Variants in ROBO1 observed in about 807,000 individuals in gnomAD.
ROBO1 encodes the protein roundabout guidance receptor 1.
A neutral mutation model predicts 195.9 loss-of-function variants in ROBO1; 149 were observed. That is an observed-to-expected ratio of 0.76 (90% confidence interval 0.67 to 0.87). The LOEUF is 0.87. Among genes scored for constraint, ROBO1 ranks in the 40% least tolerant of loss-of-function variants. ROBO1 has a pLI of 0.00. For synonymous variants in ROBO1, 816 were observed against 733.2 expected (o/e 1.11, Z -1.82); for missense variants, 1,933 against 2,068.3 (o/e 0.93, Z 1.27).
intron 2 of ROBO1, among the ~76,000 whole-genome samples, chr3:79,432,236 G>A (rs1407075999): frequency 6.6e-6 from 1 of 151,968 alleles, no homozygotes; most frequent in African/African-American, 2.4e-5. Flanking sequence ...ACAAGACCCA[G>A]GTATAATAGC....
At chr3:78,784,319 G>T (rs192168336) in intron 4 of ROBO1, among the ~76,000 whole-genome samples, 1 of 151,922 alleles carries the variant, frequency 6.6e-6, no homozygotes, top group Non-Finnish European at 1.5e-5. Flanking sequence ...TATCATGCCC[G>T]GCATATTCTA....
At chr3:78,738,474 C>G (rs1559802517) in intron 5 of ROBO1, among the ~76,000 whole-genome samples, 1 of 152,120 alleles carries the variant, frequency 6.6e-6, no homozygotes, top group Admixed American at 6.6e-5. Context: ...AAAACTTTAA[C>G]TTGCTTTTGA....
At chr3:79,621,793 T>C (rs1219400295) in intron 1 of ROBO1, among the ~76,000 whole-genome samples, 1 of 152,084 alleles carries the variant, frequency 6.6e-6, no homozygotes. Context: ...AGGATAATAT[T>C]TGTATCAAAA....
rs1013666793 is a variant in ROBO1 at position 79,227,024 on chromosome 3, G to C, written c.89-101485C>G. On this transcript the variant is annotated intron_variant, in intron 2 of 30. Coordinates refer to ENST00000464233, the MANE Select transcript of ROBO1 (RefSeq NM_002941.4). ...ACATCTAAACATACCTTCTCAACGT[G>C]ATTCAACTGGATAAAATTGCCAGTA... Among the ~76,000 whole-genome samples the C allele has an allele frequency of 6.4e-4, 97 of 152,144 alleles. 3 individuals carry two copies. The highest frequency in any genetic ancestry group is 1.6e-4 in the Non-Finnish European group (11 of 68,032).
chr3:78,688,789 A>T lies in ROBO1; in HGVS notation c.1046-17T>A. 6.2e-7 allele frequency: 1 copy of T among 1,600,084 alleles called. No homozygotes were observed. The highest frequency in any genetic ancestry group is 8.5e-7 in the Non-Finnish European group (1 of 1,173,412). On this transcript the variant is annotated splice_polypyrimidine_tract_variant and intron_variant, in intron 8 of 30. Coordinates refer to ENST00000464233, the MANE Select transcript of ROBO1 (RefSeq NM_002941.4). The stretch of plus-strand genomic sequence containing the variant: ...GTGGAGGTTCTGAAGGAGGTGAAAC[A>T]AATTACACCGAATTAAAAGCACGTT...
chr3:78,912,266 G>A (rs2038288484), intron 4 of ROBO1, among the ~76,000 whole-genome samples: 1 of 152,040 alleles, frequency 6.6e-6, no homozygotes, highest in African/African-American at 2.4e-5. Context: ...CAGAAAGAGA[G>A]CATGGTTTTT....
chr3:79,165,576 G>A (rs1265999090), intron 2 of ROBO1, among the ~76,000 whole-genome samples: 1 of 152,186 alleles, frequency 6.6e-6, no homozygotes, highest in Non-Finnish European at 1.5e-5. Context: ...GGAGCAATGG[G>A]TTCCCTAAGG....
In ROBO1 at chr3:79,017,449, C is replaced by CAG. The variant is rs1284064778; in HGVS notation, c.173-78524_173-78523dup. 3.0e-5 allele frequency among the ~76,000 whole-genome samples: 3 copies of CAG among 101,186 alleles called. No homozygotes were observed. In the East Asian group the frequency reaches 9.8e-4, roughly 33 times the overall value. The allele number at this position is 101,186 out of a possible 152,430, so 66.4% of individuals were successfully genotyped here. A position where few individuals can be genotyped will look rare whatever the true frequency, so the allele number is the denominator to read the frequency against. On this transcript the variant is annotated intron_variant, in intron 3 of 30. Transcript: ENST00000464233. ...ATGTGACTATAAAAATTCCGAGGTG[C>CAG]AGTGTGTGTGTGTGTGTGTGTGTGT... is the stretch of plus-strand genomic sequence containing the variant.
chr3:78,599,049 T>C (rs1703009794), intron 30 of ROBO1, 122 bp from the exon 31 acceptor site: 2 of 524,416 alleles, frequency 3.8e-6, no homozygotes, highest in Non-Finnish European at 6.4e-6. Flanking sequence ...CAATGGACTA[T>C]GTTGGAAAGG....
chr3:78,901,471 A>T (rs986961793), intron 4 of ROBO1, among the ~76,000 whole-genome samples: 14 of 152,324 alleles, frequency 9.2e-5, no homozygotes, highest in Admixed American at 7.2e-4. Context: ...ATAAAAGAGG[A>T]GCAATGTACA....
chr3:78,789,830 T>C (rs1437837805), intron 4 of ROBO1, among the ~76,000 whole-genome samples: 1 of 152,204 alleles, frequency 6.6e-6, no homozygotes, highest in African/African-American at 2.4e-5. Context: ...GCCATTCATA[T>C]ATACAACTGG....
At chr3:79,403,868 G>T (rs1351734866) in intron 2 of ROBO1, among the ~76,000 whole-genome samples, 1 of 151,850 alleles carries the variant, frequency 6.6e-6, no homozygotes, top group Non-Finnish European at 1.5e-5. Flanking sequence ...CCATCATGAT[G>T]GTATCATTTG....
chr3:79,287,171 G>A (rs2031938746), intron 2 of ROBO1, among the ~76,000 whole-genome samples: 2 of 152,136 alleles, frequency 1.3e-5, no homozygotes, highest in South Asian at 4.1e-4. Flanking sequence ...TTCAACATCT[G>A]AAATAAATTA....
chr3:79,646,819 TATC>T (rs1238572172), intron 1 of ROBO1, among the ~76,000 whole-genome samples: 1 of 152,050 alleles, frequency 6.6e-6, no homozygotes, highest in Non-Finnish European at 1.5e-5. Context: ...AGAAGACAAA[TATC>T]ATATGTTCTC....
chr3:79,136,779 T>C (rs1180104678), intron 2 of ROBO1, among the ~76,000 whole-genome samples: 1 of 152,038 alleles, frequency 6.6e-6, no homozygotes, highest in African/African-American at 2.4e-5. Context: ...ATCTGTCCCA[T>C]TTTTTTGAAC....
At chr3:79,407,387 G>T (rs1188512729) in intron 2 of ROBO1, among the ~76,000 whole-genome samples, 1 of 152,048 alleles carries the variant, frequency 6.6e-6, no homozygotes, top group African/African-American at 2.4e-5. Flanking sequence ...ATAATCTTGT[G>T]TATAATACAA....
chr3:78,782,506 A>C (rs562335524), intron 4 of ROBO1, among the ~76,000 whole-genome samples: 28 of 152,106 alleles, frequency 1.8e-4, no homozygotes, highest in African/African-American at 6.5e-4. Context: ...CCATAAATTG[A>C]AATTCTTAAT....
chr3:78,723,369 A>C (rs2082087727), intron 5 of ROBO1, among the ~76,000 whole-genome samples: 1 of 152,196 alleles, frequency 6.6e-6, no homozygotes, highest in Non-Finnish European at 1.5e-5. Context: ...AAACTCTATC[A>C]TGGTCGCACA....
At chr3:78,992,958 G>A (rs1049981617) in intron 3 of ROBO1, among the ~76,000 whole-genome samples, 2 of 152,096 alleles carry the variant, frequency 1.3e-5, no homozygotes, top group Admixed American at 6.6e-5. Flanking sequence ...TAGGAGATGC[G>A]AATACATATA....
Sources: gnomAD v4.1 joint callset for allele counts (sites outside exome capture counted in the v4.1 genomes callset) on GRCh38, gnomAD v4.1.1 for gene constraint, MANE v1.5 for transcripts, NCBI Gene and HGNC (gene_info 2026-07-23, HGNC 2026-07-21) for gene names.